The following PRKCI variants were observed in gnomAD, a reference collection of about 807,000 sequenced individuals.
PRKCI encodes the protein protein kinase C iota type.
Under a neutral mutation model 84.0 loss-of-function variants are expected in PRKCI, and 43 were observed. The ratio of observed to expected loss-of-function variants is 0.51; its 90% CI spans 0.40 to 0.66. PRKCI has a LOEUF of 0.66. PRKCI is among the 30% of genes least tolerant of loss of function. The probability of loss-of-function intolerance (pLI) is 0.00; values close to 1 mark genes in which losing one functional copy is unlikely to be tolerated. For synonymous variants in PRKCI, 216 were observed against 234.4 expected (o/e 0.92, Z 0.72); for missense variants, 459 against 745.6 (o/e 0.62, Z 4.48).
chr3:170,227,987 C>T (rs192589620), intron 1 of PRKCI, among the ~76,000 whole-genome samples: 66 of 152,116 alleles, frequency 4.3e-4, no homozygotes, highest in African/African-American at 1.3e-3. Context: ...GTAGGGGTGA[C>T]GGGAGTTGGA....
At chr3:170,271,898 A>G (rs775613265) in intron 6 of PRKCI, among the ~76,000 whole-genome samples, 1 of 152,140 alleles carries the variant, frequency 6.6e-6, no homozygotes, top group Non-Finnish European at 1.5e-5. Context: ...TAGTGGCACA[A>G]TCTTGGCTCA....
intron 15 of PRKCI, 42 bp from the exon 16 acceptor site, chr3:170,297,262 C>A: frequency 1.4e-6 from 2 of 1,456,026 alleles, no homozygotes; most frequent in Non-Finnish European, 1.9e-6. Flanking sequence ...TATTTTAAAG[C>A]ATGACATTCA....
chr3:170,284,433 A>G (rs1352028867), intron 11 of PRKCI, 28 bp from the exon 12 acceptor site: 3 of 1,508,874 alleles, frequency 2.0e-6, no homozygotes, highest in Non-Finnish European at 2.7e-6. Context: ...TGGTTGAATC[A>G]AATGACTTAT....
chr3:170,238,362 C>CA (rs1176092305), intron 2 of PRKCI, among the ~76,000 whole-genome samples: 92 of 138,184 alleles, frequency 6.7e-4, no homozygotes, highest in East Asian at 1.7e-3. Context: ...GACTCCATTT[C>CA]AAAAAAAAAA....
At chr3:170,267,742 T>C (rs558118670) in intron 4 of PRKCI, among the ~76,000 whole-genome samples, 173 bp from the exon 5 acceptor site, 1 of 152,056 alleles carries the variant, frequency 6.6e-6, no homozygotes, top group South Asian at 2.1e-4. Context: ...CTCTGTGGTC[T>C]TTATTTTTCT....
intron 2 of PRKCI, among the ~76,000 whole-genome samples, chr3:170,247,521 G>A (rs1007677641): frequency 1.5e-4 from 23 of 151,380 alleles, no homozygotes; most frequent in South Asian, 4.2e-4. Context: ...ACCTGAGGTC[G>A]GGAGTTCGAG....
At chr3:170,225,017 T>C (rs1030671926) in intron 1 of PRKCI, among the ~76,000 whole-genome samples, 1 of 152,330 alleles carries the variant, frequency 6.6e-6, no homozygotes, top group African/African-American at 2.4e-5. Flanking sequence ...TGAATTTAGA[T>C]AGCAAATTAT....
chr3:170,264,655 A>G (rs1425148559), intron 4 of PRKCI, among the ~76,000 whole-genome samples: 2 of 152,076 alleles, frequency 1.3e-5, no homozygotes, highest in Non-Finnish European at 2.9e-5. Flanking sequence ...TATTTATTAG[A>G]TCTCCAATTC....
In PRKCI at chr3:170,275,259, G is replaced by A; in HGVS notation, c.677G>A (p.Ser226Asn). The A allele has an allele frequency of 1.9e-6, 3 of 1,588,178 alleles. No homozygotes were observed. The highest frequency in any genetic ancestry group is 1.2e-5 in the South Asian group (1 of 86,124). Reference protein sequence around the residue: ...VIPYNPSSHESLDQVGEEKEA... With the variant: ...VIPYNPSSHENLDQVGEEKEA... ...CCATATAATCCTTCAAGTCATGAGA[G>A]TTTGGATCAAGTTGGTGAAGAAAAA... is the stretch of plus-strand genomic sequence containing the variant. The change falls in exon 8 of 18, where the codon AGT becomes AAT. Residue 226 changes from serine to asparagine, a missense_variant. Around this residue, in one of 2 missense-constraint regions of PRKCI, gnomAD observed 250 missense variants for 319.7 expected, o/e 0.78. Coordinates refer to ENST00000295797, the MANE Select transcript of PRKCI (RefSeq NM_002740.6).
intron 16 of PRKCI, among the ~76,000 whole-genome samples, chr3:170,298,402 A>ATTT (rs1207108049): frequency 1.5e-5 from 2 of 129,592 alleles, no homozygotes; most frequent in Admixed American, 7.7e-5. Flanking sequence ...CTAATTTTCA[A>ATTT]TTTTTTTTTT....
chr3:170,270,400 T>C (rs1172810657), intron 5 of PRKCI, 21 bp from the exon 6 acceptor site: 1 of 1,577,476 alleles, frequency 6.3e-7, no homozygotes, highest in Non-Finnish European at 8.6e-7. Flanking sequence ...TAATAAAATA[T>C]TGTTGAATTA....
At chr3:170,251,914 AAAAG>A (rs1577350818) in intron 2 of PRKCI, among the ~76,000 whole-genome samples, 1 of 151,270 alleles carries the variant, frequency 6.6e-6, no homozygotes, top group East Asian at 1.9e-4. Context: ...TCAAAAAAAA[AAAAG>A]AAATTAGGAA....
At chr3:170,263,621 G>A (rs1733787125) in intron 4 of PRKCI, among the ~76,000 whole-genome samples, 192 bp downstream of exon 4, 1 of 151,994 alleles carries the variant, frequency 6.6e-6, no homozygotes, top group African/African-American at 2.4e-5. Flanking sequence ...GGGCAACAAA[G>A]TGAGACCTTG....
Position 170,275,263 on chromosome 3 carries a change from G to A in PRKCI, c.681G>A (p.Leu227=), listed in dbSNP as rs779224204. The change falls in exon 8 of 18, where the codon TTG becomes TTA. Residue 227 remains leucine, a synonymous_variant. Transcript: ENST00000295797. The part of the protein sequence containing the change: ...IPYNPSSHES[L]DQVGEEKEAM... ...ATAATCCTTCAAGTCATGAGAGTTTGGATCAAGTTGGTGAAGAAAAAGAGG... is the reference window on the plus strand; with the variant it reads ...ATAATCCTTCAAGTCATGAGAGTTTAGATCAAGTTGGTGAAGAAAAAGAGG... 6.3e-7 allele frequency: 1 copy of A among 1,588,152 alleles called. No homozygotes were observed. Among genetic ancestry groups the A allele is most frequent in the Non-Finnish European group, 8.5e-7 (1 of 1,169,614 alleles).
At chr3:170,302,798 C>T (rs978305649) in intron 17 of PRKCI, among the ~76,000 whole-genome samples, 13 of 152,070 alleles carry the variant, frequency 8.5e-5, no homozygotes, top group Non-Finnish European at 8.8e-5. Flanking sequence ...CTTTTTTATT[C>T]GCAGTCCTCA....
chr3:170,249,038 C>T (rs758537490), intron 2 of PRKCI, among the ~76,000 whole-genome samples: 2 of 151,874 alleles, frequency 1.3e-5, no homozygotes, highest in African/African-American at 2.4e-5. Context: ...TCAGTAGAGA[C>T]GGGGTTTCAC....
intron 12 of PRKCI, among the ~76,000 whole-genome samples, chr3:170,285,363 G>A (rs781404033): frequency 6.6e-6 from 1 of 152,204 alleles, no homozygotes; most frequent in Non-Finnish European, 1.5e-5. Context: ...ACAGGCGTGA[G>A]CCATCGCGCC....
intron 12 of PRKCI, among the ~76,000 whole-genome samples, chr3:170,286,182 C>T (rs992994577): frequency 1.7e-4 from 26 of 152,266 alleles, no homozygotes; most frequent in African/African-American, 6.3e-4. Flanking sequence ...CCGCCTCAGC[C>T]TCCCAAAGTG....
chr3:170,291,615 T>C, intron 12 of PRKCI: 2 of 374,938 alleles, frequency 5.3e-6, no homozygotes, highest in Non-Finnish European at 1.0e-5. Flanking sequence ...AAGAATTGCT[T>C]GAACCCAGGA....
Sources: gnomAD v4.1 joint callset for allele counts (sites outside exome capture counted in the v4.1 genomes callset) on GRCh38, gnomAD v4.1.1 for gene constraint, gnomAD v4.1.1 regional missense constraint, MANE v1.5 for transcripts, NCBI Gene and HGNC (gene_info 2026-07-23, HGNC 2026-07-21) for gene names.